CDH12: variants seen among roughly 807,000 people sequenced by gnomAD.
CDH12 encodes the protein cadherin 12.
CDH12 carries 41 observed loss-of-function variants against 74.1 expected under a neutral mutation model. That is an observed-to-expected ratio of 0.55 (90% CI 0.43 to 0.72). The LOEUF is 0.72. Ranked by LOEUF, CDH12 falls within the 30% of genes least tolerant of loss-of-function variation. The pLI is 0.00. For synonymous variants in CDH12, 399 were observed against 355.0 expected (o/e 1.12, Z -1.39); for missense variants, 945 against 977.2 (o/e 0.97, Z 0.44).
In CDH12 at chr5:22,556,652, A is replaced by G. The variant is rs182233430; in HGVS notation, c.-522-51288T>C. Among the ~76,000 whole-genome samples the G allele has an allele frequency of 5.4e-3, 825 of 152,228 alleles. 6 individuals are homozygous for G. The highest frequency in any genetic ancestry group is 6.7e-3 in the Admixed American group (103 of 15,274). ...AAATGTATATAAGCCAGTTGTTTCCAGATGAGATTTTTTATCAGAGAATAA... is the reference window on the plus strand; with the variant it reads ...AAATGTATATAAGCCAGTTGTTTCCGGATGAGATTTTTTATCAGAGAATAA... On this transcript the variant is annotated intron_variant, in intron 1 of 14. Coordinates refer to ENST00000382254, the MANE Select transcript of CDH12 (RefSeq NM_004061.5).
intron 3 of CDH12, among the ~76,000 whole-genome samples, chr5:22,217,864 G>T (rs551090931): frequency 1.3e-5 from 2 of 151,772 alleles, no homozygotes; most frequent in African/African-American, 4.8e-5. Context: ...CAGAAAAGCA[G>T]TGGTAGGGTA....
intron 1 of CDH12, among the ~76,000 whole-genome samples, chr5:22,707,328 G>A (rs1042318344): frequency 5.3e-5 from 8 of 152,102 alleles, no homozygotes; most frequent in African/African-American, 1.9e-4. Context: ...TTCACTGTGT[G>A]ATAACTAATA....
At chr5:22,525,973 T>G (rs1737256266) in intron 1 of CDH12, among the ~76,000 whole-genome samples, 1 of 152,214 alleles carries the variant, frequency 6.6e-6, no homozygotes, top group Non-Finnish European at 1.5e-5. Flanking sequence ...GCATGATTCC[T>G]TTCAGAACAT....
At chr5:21,964,824 T>C (rs909674695) in intron 6 of CDH12, among the ~76,000 whole-genome samples, 4 of 152,014 alleles carry the variant, frequency 2.6e-5, no homozygotes, top group African/African-American at 9.7e-5. Flanking sequence ...CATAATCATG[T>C]TTGTATTTTC....
intron 4 of CDH12, among the ~76,000 whole-genome samples, chr5:22,131,769 T>A (rs1421033987): frequency 1.3e-5 from 2 of 152,118 alleles, no homozygotes; most frequent in East Asian, 3.9e-4. Flanking sequence ...CATCTATAGC[T>A]CCCTCTCAAT....
intron 4 of CDH12, among the ~76,000 whole-genome samples, chr5:22,203,981 T>G (rs915462504): frequency 2.6e-5 from 4 of 152,066 alleles, no homozygotes; most frequent in Non-Finnish European, 5.9e-5. Context: ...TACATCAAAA[T>G]AAAAAGATTA....
intron 6 of CDH12, among the ~76,000 whole-genome samples, chr5:21,915,686 C>T (rs1312925444): frequency 6.7e-6 from 1 of 149,890 alleles, no homozygotes; most frequent in Non-Finnish European, 1.5e-5. Context: ...GGGCACACCC[C>T]TTACTTGGGA....
At chr5:22,075,212 A>C (rs1016504220) in intron 5 of CDH12, among the ~76,000 whole-genome samples, 1 of 151,154 alleles carries the variant, frequency 6.6e-6, no homozygotes, top group Admixed American at 6.6e-5. Flanking sequence ...TCGCAAGGAC[A>C]AAAAACCAAA....
chr5:22,696,610 T>G (rs1158496646), intron 1 of CDH12, among the ~76,000 whole-genome samples: 1 of 152,142 alleles, frequency 6.6e-6, no homozygotes, highest in African/African-American at 2.4e-5. Context: ...TATTGCTCAG[T>G]GGGTGTTTTT....
intron 3 of CDH12, among the ~76,000 whole-genome samples, chr5:22,244,287 C>T (rs545286907): frequency 1.3e-5 from 2 of 151,726 alleles, no homozygotes; most frequent in South Asian, 2.1e-4. Context: ...TTCAGGAGTT[C>T]GAGCCCAGTC....
rs1746534744 is a variant in CDH12, at chr5:21,792,154, A to T, written c.1257-8660T>A. Reference sequence around the variant, plus strand: ...AATTAAAGAAAGTAAATTCAGTTCAATTCATTTTAACAAACACTTTACTGA... The same window carrying T: ...AATTAAAGAAAGTAAATTCAGTTCATTTCATTTTAACAAACACTTTACTGA... On this transcript the variant is annotated intron_variant, in intron 10 of 14. Transcript: ENST00000382254. Among the ~76,000 whole-genome samples the T allele has an allele frequency of 4.6e-5, 7 of 152,024 alleles. No homozygotes were observed. The South Asian group carries it at 1.2e-3, about 27-fold the overall frequency.
chr5:22,515,078 T>C (rs2126677314), intron 1 of CDH12, among the ~76,000 whole-genome samples: 1 of 152,250 alleles, frequency 6.6e-6, no homozygotes, highest in South Asian at 2.1e-4. Flanking sequence ...AGGTATAATT[T>C]TAAAATCACT....
intron 3 of CDH12, among the ~76,000 whole-genome samples, chr5:22,253,956 G>A (rs1454807797): frequency 6.6e-5 from 10 of 151,882 alleles, no homozygotes; most frequent in Admixed American, 6.6e-4. Flanking sequence ...ATATTTCAGT[G>A]TCTTTCACAA....
At chr5:22,703,341 G>T (rs1329160210) in intron 1 of CDH12, among the ~76,000 whole-genome samples, 1 of 151,952 alleles carries the variant, frequency 6.6e-6, no homozygotes, top group East Asian at 1.9e-4. Flanking sequence ...GAGCAACATA[G>T]CCTTACTTGA....
chr5:22,692,289 G>A (rs181584467), intron 1 of CDH12, among the ~76,000 whole-genome samples: 5 of 152,292 alleles, frequency 3.3e-5, no homozygotes, highest in African/African-American at 9.6e-5. Context: ...AGAGCTATGA[G>A]CCAAGTAAAC....
intron 1 of CDH12, among the ~76,000 whole-genome samples, chr5:22,815,780 A>T (rs975833934): frequency 2.1e-4 from 31 of 150,020 alleles, no homozygotes; most frequent in African/African-American, 6.5e-4. Context: ...AAAAAAAAAA[A>T]AAAAATAAAT....
chr5:22,082,764 T>A (rs1275490573), intron 4 of CDH12, among the ~76,000 whole-genome samples: 1 of 152,168 alleles, frequency 6.6e-6, no homozygotes, highest in Non-Finnish European at 1.5e-5. Context: ...TGAAGTTAAC[T>A]GGAGCCACAG....
intron 3 of CDH12, among the ~76,000 whole-genome samples, chr5:22,343,626 G>C (rs1329574748): frequency 6.6e-6 from 1 of 151,928 alleles, no homozygotes; most frequent in Admixed American, 6.6e-5. Flanking sequence ...CACTGTGTTA[G>C]CCAGGATGGT....
At chr5:22,257,239 G>A (rs748399331) in intron 3 of CDH12, among the ~76,000 whole-genome samples, 1 of 151,980 alleles carries the variant, frequency 6.6e-6, no homozygotes, top group Non-Finnish European at 1.5e-5. Flanking sequence ...CCTAATACCT[G>A]GGTGACAACA....
Sources: gnomAD v4.1 joint callset for allele counts (sites outside exome capture counted in the v4.1 genomes callset) on GRCh38, gnomAD v4.1.1 for gene constraint, MANE v1.5 for transcripts, NCBI Gene and HGNC (gene_info 2026-07-23, HGNC 2026-07-21) for gene names.